SMYD3: variants seen among roughly 807,000 people sequenced by gnomAD.
SMYD3 encodes the protein histone-lysine N-methyltransferase SMYD3.
SMYD3 carries 36 observed loss-of-function variants against 57.7 expected under a neutral mutation model. That is an observed-to-expected ratio of 0.62 (90% CI 0.48 to 0.82). SMYD3 has a LOEUF of 0.82. SMYD3 is among the 40% of genes least tolerant of loss of function. SMYD3 has a pLI of 0.00. For missense variants in SMYD3, 515 were observed against 538.8 expected, an observed-to-expected ratio of 0.96 and a Z score of 0.44; for synonymous variants, 211 against 195.0, an observed-to-expected ratio of 1.08 and a Z score of -0.68.
At chr1:246,245,646 AAT>A (rs2063691694) in intron 5 of SMYD3, among the ~76,000 whole-genome samples, 1 of 152,182 alleles carries the variant, frequency 6.6e-6, no homozygotes, top group Non-Finnish European at 1.5e-5. Flanking sequence ...AAGAAATTAA[AAT>A]TTCAGATTTA....
At chr1:246,201,103 G>A (rs898723141) in intron 5 of SMYD3, among the ~76,000 whole-genome samples, 1 of 152,068 alleles carries the variant, frequency 6.6e-6, no homozygotes, top group African/African-American at 2.4e-5. Flanking sequence ...AGTTTCCATG[G>A]CTATTGACAG....
chr1:245,973,478 C>A (rs1333587618), intron 5 of SMYD3, among the ~76,000 whole-genome samples: 2 of 152,162 alleles, frequency 1.3e-5, no homozygotes, highest in African/African-American at 4.8e-5. Context: ...TCACCCTCAA[C>A]TTTCACAGGA....
At chr1:245,763,338 GT>G (rs1317877570) in intron 11 of SMYD3, among the ~76,000 whole-genome samples, 1 of 152,182 alleles carries the variant, frequency 6.6e-6, no homozygotes, top group Non-Finnish European at 1.5e-5. Context: ...TGGTCATCGG[GT>G]ATGCCTACTG....
At chr1:246,167,145 G>A (rs999243084) in intron 5 of SMYD3, among the ~76,000 whole-genome samples, 1 of 152,184 alleles carries the variant, frequency 6.6e-6, no homozygotes, top group Non-Finnish European at 1.5e-5. Context: ...AATGATACTC[G>A]ATTGTATGGA....
intron 1 of SMYD3, among the ~76,000 whole-genome samples, chr1:246,382,811 C>T (rs2066411444): frequency 6.6e-6 from 1 of 152,148 alleles, no homozygotes; most frequent in Admixed American, 6.5e-5. Flanking sequence ...AACTCAAGGC[C>T]CATCCACATG....
chr1:245,820,692 CAA>C (rs1326854488), intron 10 of SMYD3, among the ~76,000 whole-genome samples: 3 of 152,086 alleles, frequency 2.0e-5, no homozygotes, highest in Admixed American at 6.5e-5. Flanking sequence ...GCAACTTCAG[CAA>C]AGTCTCAGGG....
chr1:245,984,160 C>T (rs959423580), intron 5 of SMYD3, among the ~76,000 whole-genome samples: 10 of 151,882 alleles, frequency 6.6e-5, no homozygotes, highest in Non-Finnish European at 1.2e-4. Context: ...CCACCACGCC[C>T]GGGTAATTTT....
At chr1:245,789,334 T>C (rs2047173967) in intron 10 of SMYD3, among the ~76,000 whole-genome samples, 1 of 152,130 alleles carries the variant, frequency 6.6e-6, no homozygotes, top group Non-Finnish European at 1.5e-5. Flanking sequence ...CTAACCAAGC[T>C]AGCAGGGACA....
intron 5 of SMYD3, among the ~76,000 whole-genome samples, chr1:245,994,092 C>G (rs1319968693): frequency 6.6e-6 from 1 of 152,204 alleles, no homozygotes; most frequent in Non-Finnish European, 1.5e-5. Context: ...ATCGCTCTCT[C>G]AACTTCTTTT....
chr1:245,883,852 T>C (rs1472129145), intron 8 of SMYD3, among the ~76,000 whole-genome samples: 2 of 152,208 alleles, frequency 1.3e-5, no homozygotes, highest in Admixed American at 6.5e-5. Flanking sequence ...TAAATGCTGG[T>C]TGTCGTGGGA....
chr1:246,356,240 G>A (rs1404992865), intron 1 of SMYD3, among the ~76,000 whole-genome samples: 2 of 152,128 alleles, frequency 1.3e-5, no homozygotes, highest in African/African-American at 4.8e-5. Flanking sequence ...CCCTGGGGGA[G>A]GAGGGAGAAC....
intron 5 of SMYD3, among the ~76,000 whole-genome samples, chr1:246,032,768 T>C (rs989397700): frequency 6.6e-6 from 1 of 152,224 alleles, no homozygotes; most frequent in Admixed American, 6.5e-5. Flanking sequence ...TTAGTTTCCA[T>C]TCCAAACACT....
At chr1:246,016,634 G>GA (rs1213714491) in intron 5 of SMYD3, among the ~76,000 whole-genome samples, 7 of 151,874 alleles carry the variant, frequency 4.6e-5, no homozygotes, top group Non-Finnish European at 8.8e-5. Flanking sequence ...CATTACCTGT[G>GA]AAAAATCTTT....
chr1:246,450,660 A>C (rs1228182555), intron 1 of SMYD3, among the ~76,000 whole-genome samples: 1 of 152,210 alleles, frequency 6.6e-6, no homozygotes, highest in African/African-American at 2.4e-5. Context: ...AAGGAATCAT[A>C]TTCGACACTG....
intron 1 of SMYD3, among the ~76,000 whole-genome samples, chr1:246,487,385 A>G (rs1185338448): frequency 2.6e-5 from 4 of 152,074 alleles, no homozygotes; most frequent in Admixed American, 1.3e-4. Context: ...ACTTGAACCC[A>G]GGAGGTGGAG....
chr1:246,424,715 A>G (rs1311551714), intron 1 of SMYD3, among the ~76,000 whole-genome samples: 4 of 152,220 alleles, frequency 2.6e-5, no homozygotes, highest in African/African-American at 7.2e-5. Context: ...TCTCACTCAA[A>G]TAAGTTTTTG....
At chr1:245,837,984 C>A (rs1290745610) in intron 10 of SMYD3, among the ~76,000 whole-genome samples, 2 of 152,192 alleles carry the variant, frequency 1.3e-5, no homozygotes, top group Non-Finnish European at 2.9e-5. Context: ...ATTTTCCCAC[C>A]AGGGAGTATC....
chr1:246,105,044 A>G (rs2061092482), intron 5 of SMYD3, among the ~76,000 whole-genome samples: 1 of 152,186 alleles, frequency 6.6e-6, no homozygotes, highest in South Asian at 2.1e-4. Context: ...ATGAAAAATT[A>G]TTAAGAGGCA....
At chr1:245,794,990 T>A (rs138641164) in intron 10 of SMYD3, among the ~76,000 whole-genome samples, 2 of 152,204 alleles carry the variant, frequency 1.3e-5, no homozygotes, top group African/African-American at 2.4e-5. Flanking sequence ...ATCTCAGTGG[T>A]TCTCTTTTTG....
Sources: allele counts gnomAD v4.1 joint callset (sites outside exome capture counted in the v4.1 genomes callset), GRCh38; gene constraint gnomAD v4.1.1; transcripts MANE v1.5; gene names NCBI Gene and HGNC (gene_info 2026-07-23, HGNC 2026-07-21).